PRMT8: variants seen among roughly 807,000 people sequenced by gnomAD.
PRMT8 encodes the protein protein arginine N-methyltransferase 8.
In PRMT8, 7 loss-of-function variants were observed where a neutral mutation model predicts 47.1. The observed-to-expected ratio is 0.15, with a 90% confidence interval of 0.08 to 0.28. PRMT8 has a LOEUF of 0.28. Ranked by LOEUF, PRMT8 falls within the 10% of genes least tolerant of loss-of-function variation. The pLI, the probability that PRMT8 is intolerant of heterozygous loss-of-function variation, is 1.00. For missense variants in PRMT8, 237 were observed against 505.4 expected, an observed-to-expected ratio of 0.47 and a Z score of 5.09; for synonymous variants, 188 against 186.5, an observed-to-expected ratio of 1.01 and a Z score of -0.07.
At chr12:3,462,438 G>T (rs1865052130) in intron 1 of PRMT8, among the ~76,000 whole-genome samples, 1 of 152,020 alleles carries the variant, frequency 6.6e-6, no homozygotes, top group Admixed American at 6.5e-5. Context: ...TAACTTAGAT[G>T]AATGACTTGC....
At chr12:3,430,410 A>G (rs1327948120) in intron 1 of PRMT8, among the ~76,000 whole-genome samples, 1 of 152,206 alleles carries the variant, frequency 6.6e-6, no homozygotes, top group Non-Finnish European at 1.5e-5. Flanking sequence ...GCATAAGACA[A>G]TATGAGGGGT....
intron 1 of PRMT8, among the ~76,000 whole-genome samples, chr12:3,517,606 G>T (rs932588713): frequency 6.6e-6 from 1 of 152,154 alleles, no homozygotes; most frequent in East Asian, 1.9e-4. Context: ...GGTAAGCGGG[G>T]CTGAGTACAC....
chr12:3,573,638 A>G (rs140796676), intron 6 of PRMT8, among the ~76,000 whole-genome samples: 1 of 152,334 alleles, frequency 6.6e-6, no homozygotes, highest in East Asian at 1.9e-4. Context: ...CCAGGCTATT[A>G]GAATGAGGGT....
At chr12:3,396,938 C>T (rs1864255868) in intron 1 of PRMT8, among the ~76,000 whole-genome samples, 2 of 151,826 alleles carry the variant, frequency 1.3e-5, no homozygotes, top group African/African-American at 4.8e-5. Flanking sequence ...CTCTAAACTT[C>T]CCTTCTCACT....
In PRMT8 at chr12:3,564,551, T is replaced by G. The variant is rs1206715641; in HGVS notation, c.482-4155T>G. Among the ~76,000 whole-genome samples, 1 of 152,190 alleles carries G rather than the reference T, an allele frequency of 6.6e-6. No individual in the cohort carries two copies. Among genetic ancestry groups the G allele is most frequent in the African/African-American group, 2.4e-5 (1 of 41,444 alleles). On this transcript the variant is annotated intron_variant, in intron 4 of 9. Coordinates refer to ENST00000382622, the MANE Select transcript of PRMT8 (RefSeq NM_019854.5). This position sits in a 1 kb window ranked among gnomAD's most constrained non-coding sequence, Gnocchi z 4.0. ...CAGGAGAAGTTTTCCCAATTTAGAG[T>G]CTATTGCTCCCTGCTGTGCATTTAG...
chr12:3,417,620 G>T (rs566555242), intron 1 of PRMT8, among the ~76,000 whole-genome samples: 56 of 152,254 alleles, frequency 3.7e-4, no homozygotes, highest in African/African-American at 1.1e-3. Flanking sequence ...TTTAAAGAGG[G>T]TTGGTAATTT....
chr12:3,444,716 G>A (rs1159436753), intron 1 of PRMT8, among the ~76,000 whole-genome samples: 2 of 152,258 alleles, frequency 1.3e-5, no homozygotes, highest in Admixed American at 6.5e-5. Context: ...GCATCGTGGA[G>A]CAAGAGAGTC....
At chr12:3,498,619 G>A (rs1184516584) in intron 1 of PRMT8, among the ~76,000 whole-genome samples, 3 of 152,280 alleles carry the variant, frequency 2.0e-5, no homozygotes, top group East Asian at 3.9e-4. Context: ...GGACCCAGTA[G>A]ACAATGTACT....
At chr12:3,471,886 G>T (rs1238843782) in intron 1 of PRMT8, among the ~76,000 whole-genome samples, 1 of 152,006 alleles carries the variant, frequency 6.6e-6, no homozygotes, top group African/African-American at 2.4e-5. Flanking sequence ...CTGTGGAGGG[G>T]CTTTCTCTGC....
intron 1 of PRMT8, among the ~76,000 whole-genome samples, chr12:3,398,035 CG>C (rs1193129156): frequency 6.6e-6 from 1 of 152,198 alleles, no homozygotes; most frequent in Non-Finnish European, 1.5e-5. Flanking sequence ...TTGCGCTTCC[CG>C]AGGAGGCAAT....
At chr12:3,425,977 G>T (rs1288539737) in intron 1 of PRMT8, among the ~76,000 whole-genome samples, 2 of 152,260 alleles carry the variant, frequency 1.3e-5, no homozygotes, top group Non-Finnish European at 2.9e-5. Flanking sequence ...CCTGTTGTGA[G>T]AGACATGAAG....
intron 1 of PRMT8, among the ~76,000 whole-genome samples, chr12:3,530,871 G>T (rs1252285034): frequency 6.6e-6 from 1 of 152,204 alleles, no homozygotes; most frequent in African/African-American, 2.4e-5. Context: ...GCGTCTTCCA[G>T]TCATCACCAT....
chr12:3,578,591 G>A (rs1866993762), intron 7 of PRMT8, among the ~76,000 whole-genome samples: 1 of 152,150 alleles, frequency 6.6e-6, no homozygotes, highest in African/African-American at 2.4e-5. Context: ...GGCCTACTGT[G>A]CTCCTGCACG....
chr12:3,477,948 C>T (rs1177377360), intron 1 of PRMT8, among the ~76,000 whole-genome samples: 1 of 152,164 alleles, frequency 6.6e-6, no homozygotes, highest in Admixed American at 6.5e-5. Context: ...AGGTTGTATT[C>T]TGTATAATCA....
At chr12:3,524,401 A>T (rs1865922446) in intron 1 of PRMT8, among the ~76,000 whole-genome samples, 1 of 152,150 alleles carries the variant, frequency 6.6e-6, no homozygotes, top group African/African-American at 2.4e-5. Context: ...CCCTGCTTCG[A>T]TAGCTGATGC....
At chr12:3,417,043 T>C (rs1565402390) in intron 1 of PRMT8, among the ~76,000 whole-genome samples, 1 of 152,228 alleles carries the variant, frequency 6.6e-6, no homozygotes, top group Non-Finnish European at 1.5e-5. Flanking sequence ...AGGGAACTAT[T>C]ATACTGATCT....
At chr12:3,483,449 A>AT (rs1373479918) in intron 1 of PRMT8, among the ~76,000 whole-genome samples, 1 of 115,280 alleles carries the variant, frequency 8.7e-6, no homozygotes, top group Non-Finnish European at 1.8e-5. Flanking sequence ...TAACCATGAT[A>AT]GTTTTTTTTT....
At chr12:3,588,902 AG>A (rs890619708) in intron 8 of PRMT8, among the ~76,000 whole-genome samples, 29 of 152,274 alleles carry the variant, frequency 1.9e-4, no homozygotes, top group African/African-American at 7.0e-4. Context: ...GGGAAGGGAA[AG>A]CTTTCCTCCC....
At position 3,526,989 on chromosome 12, in the gene PRMT8, T is replaced by C. The variant is rs530826351; in HGVS notation, c.76-13617T>C. Among the ~76,000 whole-genome samples the C allele has an allele frequency of 5.1e-4, 78 of 152,302 alleles. 1 individual carries two copies. Among genetic ancestry groups the C allele is most frequent in the African/African-American group, 1.9e-3 (77 of 41,582 alleles). On this transcript the variant is annotated intron_variant, in intron 1 of 9. Coordinates refer to ENST00000382622, the MANE Select transcript of PRMT8 (RefSeq NM_019854.5). Reference sequence around the variant, plus strand: ...ATAGACCATTTACATTTAATGTAATTATTGGTGCAGTTGGGTTCAAACCTA... The same window carrying C: ...ATAGACCATTTACATTTAATGTAATCATTGGTGCAGTTGGGTTCAAACCTA...
Sources: gnomAD v4.1 joint callset for allele counts (sites outside exome capture counted in the v4.1 genomes callset) on GRCh38, gnomAD v4.1.1 for gene constraint, Gnocchi (gnomAD v3.1) non-coding constraint, MANE v1.5 for transcripts, NCBI Gene and HGNC (gene_info 2026-07-23, HGNC 2026-07-21) for gene names.